The following LRRC3B variants were observed in gnomAD, a reference collection of about 807,000 sequenced individuals.
LRRC3B encodes leucine rich repeat containing 3B, also known as leucine-rich repeat-containing protein 3B.
LRRC3B carries 2 observed loss-of-function variants against 12.8 expected under a neutral mutation model. The observed-to-expected ratio is 0.16, with a 90% CI of 0.06 to 0.49. The LOEUF is 0.49. Among genes scored for constraint, LRRC3B ranks in the 20% least tolerant of loss-of-function variants. The pLI is 0.96. For synonymous variants in LRRC3B, 132 were observed against 122.0 expected (o/e 1.08, Z -0.54); for missense variants, 189 against 319.4 (o/e 0.59, Z 3.11).
chr3:26,663,606 G>GATAAATATTCCAA (rs1229244114), intron 1 of LRRC3B, among the ~76,000 whole-genome samples: 1 of 152,078 alleles, frequency 6.6e-6, no homozygotes, highest in African/African-American at 2.4e-5. Context: ...TCCATTGACT[G>GATAAATATTCCAA]TGTTGATTTG....
chr3:26,676,776 G>A (rs1575152304), intron 1 of LRRC3B, among the ~76,000 whole-genome samples: 2 of 152,318 alleles, frequency 1.3e-5, no homozygotes, highest in Middle Eastern at 3.4e-3. Context: ...CTGCTATAAA[G>A]ACACATGCAC....
At chr3:26,661,679 A>G (rs895183290) in intron 1 of LRRC3B, among the ~76,000 whole-genome samples, 13 of 152,208 alleles carry the variant, frequency 8.5e-5, no homozygotes, top group Admixed American at 7.9e-4. Context: ...GTTATAAACA[A>G]TGCTGCCATG....
At chr3:26,643,827 G>A (rs189353669) in intron 1 of LRRC3B, among the ~76,000 whole-genome samples, 6 of 152,256 alleles carry the variant, frequency 3.9e-5, no homozygotes, top group African/African-American at 9.6e-5. Flanking sequence ...TCATTTATTT[G>A]GATATGGTCC....
At chr3:26,707,800 G>T (rs1700638910) in intron 1 of LRRC3B, among the ~76,000 whole-genome samples, 1 of 150,912 alleles carries the variant, frequency 6.6e-6, no homozygotes, top group African/African-American at 2.4e-5. Context: ...TTCCCATCTA[G>T]ATTCCTAGAG....
intron 1 of LRRC3B, among the ~76,000 whole-genome samples, chr3:26,700,906 C>T (rs958514695): frequency 6.6e-6 from 1 of 152,048 alleles, no homozygotes; most frequent in Non-Finnish European, 1.5e-5. Flanking sequence ...CTTTTAGGGG[C>T]TTTGTGAGAA....
At chr3:26,645,136 C>T (rs1316734339) in intron 1 of LRRC3B, among the ~76,000 whole-genome samples, 1 of 152,144 alleles carries the variant, frequency 6.6e-6, no homozygotes, top group Non-Finnish European at 1.5e-5. Flanking sequence ...TAGACTTAGA[C>T]TTAAACTTTT....
intron 1 of LRRC3B, among the ~76,000 whole-genome samples, chr3:26,693,104 G>T (rs1700226101): frequency 6.6e-6 from 1 of 151,992 alleles, no homozygotes. Flanking sequence ...GCCGAGACGG[G>T]CGGATCACGA....
chr3:26,623,844 G>C (rs1389759468), intron 1 of LRRC3B: 3 of 152,308 alleles, frequency 2.0e-5, no homozygotes, highest in Non-Finnish European at 4.4e-5. Flanking sequence ...TGCGCCGTGG[G>C]AACTGCAAGT....
exon 2 of LRRC3B, chr3:26,710,452 G>GC: frequency 1.3e-6 from 2 of 1,572,836 alleles, no homozygotes; most frequent in South Asian, 2.3e-5. Flanking sequence ...CTGTGGTATA[G>GC]TGTCCAAACT....
chr3:26,639,496 T>TTAAA (rs138654148), intron 1 of LRRC3B, among the ~76,000 whole-genome samples: 58 of 140,798 alleles, frequency 4.1e-4, no homozygotes, highest in Non-Finnish European at 6.5e-4. Context: ...TTAAATTAAA[T>TTAAA]TTAAATTAAA....
intron 1 of LRRC3B, among the ~76,000 whole-genome samples, chr3:26,680,065 G>A (rs965497131): frequency 6.6e-6 from 1 of 152,188 alleles, no homozygotes; most frequent in Admixed American, 6.5e-5. Flanking sequence ...CCCAGATCTT[G>A]TGAAAATGCA....
At chr3:26,701,233 G>A (rs1315565597) in intron 1 of LRRC3B, 1 of 152,026 alleles carries the variant, frequency 6.6e-6, no homozygotes, top group Non-Finnish European at 1.5e-5. Flanking sequence ...AGGCTCAAAG[G>A]GAAAGAGGAT....
intron 1 of LRRC3B, among the ~76,000 whole-genome samples, chr3:26,637,468 C>CCTTT: frequency 6.6e-6 from 1 of 152,280 alleles, no homozygotes; most frequent in Non-Finnish European, 1.5e-5. Flanking sequence ...CTCTACCTTA[C>CCTTT]CTTTCCTTCA....
intron 1 of LRRC3B, among the ~76,000 whole-genome samples, chr3:26,655,409 C>T (rs1008999776): frequency 2.0e-5 from 3 of 152,194 alleles, no homozygotes; most frequent in African/African-American, 7.2e-5. Context: ...TCTTGAGTTA[C>T]TTGCAGTTTG....
Position 26,685,568 on chromosome 3 carries a change from T to G in LRRC3B, c.-160-23945T>G, listed in dbSNP as rs571592650. 2.5e-3 allele frequency among the ~76,000 whole-genome samples: 339 copies of G among 133,074 alleles called. 1 individual carries two copies. Among genetic ancestry groups the G allele is most frequent in the African/African-American group, 8.6e-3 (302 of 35,226 alleles). 87.3% of individuals were successfully genotyped at this position (133,074 alleles called of 152,430 possible). ...ATATATATATATATATTCACATATA[T>G]TCTTCAAATATATACAAGCTTCACT... On this transcript the variant is annotated intron_variant, in intron 1 of 1. Coordinates refer to ENST00000396641, the Ensembl canonical transcript of LRRC3B.
chr3:26,667,303 T>A (rs1422800921), intron 1 of LRRC3B, among the ~76,000 whole-genome samples: 2 of 152,184 alleles, frequency 1.3e-5, no homozygotes, highest in East Asian at 3.9e-4. Flanking sequence ...CTATATTCTG[T>A]TAAAATGTCT....
At chr3:26,625,996 C>T (rs1698616724) in intron 1 of LRRC3B, among the ~76,000 whole-genome samples, 1 of 152,188 alleles carries the variant, frequency 6.6e-6, no homozygotes, top group Non-Finnish European at 1.5e-5. Context: ...GTCCCATACT[C>T]CCAGCCCTAT....
chr3:26,632,949 A>G (rs1382826506), intron 1 of LRRC3B, among the ~76,000 whole-genome samples: 1 of 152,154 alleles, frequency 6.6e-6, no homozygotes, highest in East Asian at 1.9e-4. Context: ...GCATCATGAA[A>G]TCAGCCATGG....
intron 1 of LRRC3B, among the ~76,000 whole-genome samples, chr3:26,708,363 A>C (rs1210137335): frequency 6.6e-6 from 1 of 152,226 alleles, no homozygotes; most frequent in East Asian, 1.9e-4. Context: ...CAGAAATCAC[A>C]ATAAGCAATA....
Sources: gnomAD v4.1 joint callset for allele counts (sites outside exome capture counted in the v4.1 genomes callset) on GRCh38, gnomAD v4.1.1 for gene constraint, MANE v1.5 for transcripts, NCBI Gene and HGNC (gene_info 2026-07-23, HGNC 2026-07-21) for gene names.